FNIP1: variants seen among roughly 807,000 people sequenced by gnomAD.
FNIP1 encodes folliculin-interacting protein 1.
In FNIP1, 40 loss-of-function variants were observed where a neutral mutation model predicts 124.5. That is an observed-to-expected ratio of 0.32 (90% CI 0.25 to 0.42). The LOEUF (loss-of-function observed/expected upper bound fraction) is 0.42. FNIP1 is among the 10% of genes least tolerant of loss of function. FNIP1 has a pLI of 1.00. For synonymous variants in FNIP1, 472 were observed against 470.6 expected (o/e 1.00, Z -0.04); for missense variants, 1,176 against 1,403.7 (o/e 0.84, Z 2.59).
At chr5:131,746,696 T>C (rs1174734688) in intron 1 of FNIP1, among the ~76,000 whole-genome samples, 3 of 152,306 alleles carry the variant, frequency 2.0e-5, no homozygotes, top group Non-Finnish European at 2.9e-5. Context: ...CCTCCCTAGG[T>C]TGATTCCATG....
At chr5:131,689,321 A>G (rs1282826917) in intron 11 of FNIP1, among the ~76,000 whole-genome samples, 1 of 152,226 alleles carries the variant, frequency 6.6e-6, no homozygotes, top group Non-Finnish European at 1.5e-5. Flanking sequence ...ATGTTGAAAG[A>G]TATTTTTCAG....
chr5:131,671,562 C>T lies in FNIP1; in HGVS notation c.2882G>A (p.Ser961Asn), dbSNP rs749180593. 7.4e-6 allele frequency: 12 copies of T among 1,613,284 alleles called. No individual in the cohort carries two copies. Among genetic ancestry groups the T allele is most frequent in the Non-Finnish European group, 9.3e-6 (11 of 1,180,014 alleles). ...TGHDMTRQVS[S>N]YYGGEQEDWA... is the part of the protein sequence containing the mutation. Reference sequence around the variant, plus strand: ...ATCTTCTTGCTCTCCTCCATAATAACTGCTAACTTGTCTAGTCATATCATG... The same window carrying T: ...ATCTTCTTGCTCTCCTCCATAATAATTGCTAACTTGTCTAGTCATATCATG... Residue 961 changes from serine (S) to asparagine (N), a missense_variant, in exon 14 of 18, where the codon AGT (serine) becomes AAT (asparagine). Ser to Asn is a conservative substitution (Grantham distance 46, BLOSUM62 1). Coordinates refer to ENST00000510461, the MANE Select transcript of FNIP1 (RefSeq NM_133372.3).
At position 131,695,151 on chromosome 5, in the gene FNIP1, AT is replaced by A. The variant is rs1367070741; in HGVS notation, c.1202+3765del. On this transcript the variant is annotated intron_variant, in intron 11 of 17. Transcript: ENST00000510461. The stretch of plus-strand genomic sequence containing the variant: ...AATAAATAAATAAATAAATAAATAA[AT>A]AAAGCATTAACTGGGAAAACTGTAG... Among the ~76,000 whole-genome samples, 6 of 145,080 alleles carry A rather than the reference AT, an allele frequency of 4.1e-5. No homozygotes were observed. In the East Asian group the frequency reaches 1.2e-3, roughly 29 times the overall value.
chr5:131,795,765 A>G (rs1772566264), intron 1 of FNIP1: 1 of 152,230 alleles, frequency 6.6e-6, no homozygotes, highest in African/African-American at 2.4e-5. Flanking sequence ...CCAGTGTGGC[A>G]ACTTCGCCTG....
intron 1 of FNIP1, among the ~76,000 whole-genome samples, chr5:131,748,444 A>G (rs755186494): frequency 6.6e-6 from 1 of 152,162 alleles, no homozygotes; most frequent in Non-Finnish European, 1.5e-5. Flanking sequence ...CTGTAATCCC[A>G]GCACTTTGGG....
chr5:131,709,097 CTAA>C, intron 8 of FNIP1, 101 bp downstream of exon 8: 1 of 869,064 alleles, frequency 1.2e-6, no homozygotes, highest in Non-Finnish European at 1.9e-6. Context: ...TCTTGTAAGG[CTAA>C]TATCAATATG....
rs920577798 is a variant in FNIP1 at position 131,741,330 on chromosome 5, A to G, written c.219+3234T>C. On this transcript the variant is annotated intron_variant, in intron 2 of 17. Transcript: ENST00000510461. The stretch of plus-strand genomic sequence containing the variant: ...AAAATGAGTTCTGAGGAAGCTATAC[A>G]CTGATTAACAATTTTATTTCAACTT... Among the ~76,000 whole-genome samples, 5 of 152,316 alleles carry G rather than the reference A, an allele frequency of 3.3e-5. No individual in the cohort carries two copies. In the East Asian group the frequency reaches 9.6e-4, roughly 29 times the overall value.
intron 8 of FNIP1, among the ~76,000 whole-genome samples, chr5:131,708,898 GT>G (rs11419190): frequency 3.4e-5 from 5 of 148,658 alleles, no homozygotes; most frequent in Admixed American, 6.7e-5. Context: ...AAGCAAACGT[GT>G]TTTTTTTTTA....
chr5:131,790,190 A>G (rs1299655319), intron 1 of FNIP1, among the ~76,000 whole-genome samples: 2 of 152,216 alleles, frequency 1.3e-5, no homozygotes, highest in Admixed American at 1.3e-4. Flanking sequence ...AAATTATTAA[A>G]AGAGCTATAA....
At chr5:131,747,841 T>A (rs1167693043) in intron 1 of FNIP1, among the ~76,000 whole-genome samples, 4 of 152,042 alleles carry the variant, frequency 2.6e-5, no homozygotes, top group Non-Finnish European at 5.9e-5. Flanking sequence ...TCTGAACATG[T>A]TTACATATAT....
chr5:131,683,349 C>A (rs1768152001), intron 11 of FNIP1, among the ~76,000 whole-genome samples: 1 of 151,772 alleles, frequency 6.6e-6, no homozygotes, highest in Non-Finnish European at 1.5e-5. Context: ...GAGATTGAGA[C>A]CATCCTGGCT....
chr5:131,683,917 T>C (rs1768178054), intron 11 of FNIP1, among the ~76,000 whole-genome samples: 1 of 152,230 alleles, frequency 6.6e-6, no homozygotes, highest in Non-Finnish European at 1.5e-5. Flanking sequence ...ATAACCTTGA[T>C]GTGCCTCTCT....
intron 5 of FNIP1, among the ~76,000 whole-genome samples, chr5:131,717,712 G>A (rs1580781168): frequency 6.6e-6 from 1 of 152,202 alleles, no homozygotes; most frequent in South Asian, 2.1e-4. Context: ...CCTTTCTAGA[G>A]ATTTTAGGAA....
At chr5:131,669,334 C>T (rs1580740263) in intron 15 of FNIP1, among the ~76,000 whole-genome samples, 1 of 152,008 alleles carries the variant, frequency 6.6e-6, no homozygotes, top group East Asian at 1.9e-4. Context: ...GAGGATGTGC[C>T]AATATTATCC....
intron 3 of FNIP1, among the ~76,000 whole-genome samples, chr5:131,725,702 T>G (rs1017562073): frequency 6.6e-6 from 1 of 152,230 alleles, no homozygotes; most frequent in African/African-American, 2.4e-5. Flanking sequence ...TTCTCTTGCC[T>G]GATTGCCCTG....
At chr5:131,731,950 A>G (rs1027432593) in intron 2 of FNIP1, among the ~76,000 whole-genome samples, 3 of 152,258 alleles carry the variant, frequency 2.0e-5, no homozygotes, top group Admixed American at 2.0e-4. Flanking sequence ...TTCTTTCGAA[A>G]TGAGAATATA....
chr5:131,709,383 T>A (rs1769217814), intron 7 of FNIP1, 111 bp from the exon 8 acceptor site: 1 of 862,790 alleles, frequency 1.2e-6, no homozygotes, highest in African/African-American at 1.7e-5. Flanking sequence ...CATTCCCTTA[T>A]TTTTTTCAAT....
chr5:131,749,837 T>C (rs866503088), intron 1 of FNIP1, among the ~76,000 whole-genome samples: 4 of 152,160 alleles, frequency 2.6e-5, no homozygotes, highest in Admixed American at 6.5e-5. Flanking sequence ...CCAAGAGCAA[T>C]AGGCTATTAT....
rs62385579 is a variant in FNIP1, at chr5:131,752,144, C to T, written c.93-7454G>A. Among the ~76,000 whole-genome samples the T allele has an allele frequency of 2.7e-3, 406 of 152,112 alleles. 1 individual carries two copies. Among genetic ancestry groups the T allele is most frequent in the Admixed American group, 8.1e-3 (124 of 15,278 alleles). ...CTGCAAGCTCCGCCTCTCCGGTTCG[C>T]GCCATTCTCCTGCCTCAGCCTCCCG... is the stretch of plus-strand genomic sequence containing the variant. On this transcript the variant is annotated intron_variant, in intron 1 of 17. Coordinates refer to ENST00000510461, the MANE Select transcript of FNIP1 (RefSeq NM_133372.3).
Sources: gnomAD v4.1 joint callset for allele counts (sites outside exome capture counted in the v4.1 genomes callset) on GRCh38, gnomAD v4.1.1 for gene constraint, MANE v1.5 for transcripts, NCBI Gene and HGNC (gene_info 2026-07-23, HGNC 2026-07-21) for gene names.